FRMD4A: variants seen among roughly 807,000 people sequenced by gnomAD.
The protein encoded by FRMD4A is FERM domain-containing protein 4A.
Under a neutral mutation model 129.1 loss-of-function variants are expected in FRMD4A, and 29 were observed. That is an observed-to-expected ratio of 0.22 (90% CI 0.17 to 0.31). FRMD4A has a LOEUF of 0.31. Ranked by LOEUF, FRMD4A falls within the 10% of genes least tolerant of loss-of-function variation. The pLI, the probability that FRMD4A is intolerant of heterozygous loss-of-function variation, is 1.00. For synonymous variants in FRMD4A, 634 were observed against 571.6 expected, an observed-to-expected ratio of 1.11 and a Z score of -1.56; for missense variants, 1,272 against 1,375.8, an observed-to-expected ratio of 0.92 and a Z score of 1.19.
At chr10:13,958,736 C>G (rs2095427103) in intron 2 of FRMD4A, among the ~76,000 whole-genome samples, 1 of 152,016 alleles carries the variant, frequency 6.6e-6, no homozygotes, top group East Asian at 1.9e-4. Context: ...CAGGCATGCA[C>G]CCCCACGCCT....
chr10:13,955,939 G>A (rs1425893846), intron 2 of FRMD4A, among the ~76,000 whole-genome samples: 1 of 152,136 alleles, frequency 6.6e-6, no homozygotes, highest in Admixed American at 6.5e-5. Flanking sequence ...CTTGAAATCG[G>A]TTATGCATGT....
chr10:14,109,442 G>A (rs1397685831), intron 2 of FRMD4A, among the ~76,000 whole-genome samples: 1 of 152,068 alleles, frequency 6.6e-6, no homozygotes, highest in Non-Finnish European at 1.5e-5. Context: ...AGTGTTACAC[G>A]AAAAAGGCAA....
chr10:14,065,490 T>A (rs1409457942), intron 2 of FRMD4A, among the ~76,000 whole-genome samples: 1 of 152,104 alleles, frequency 6.6e-6, no homozygotes, highest in Non-Finnish European at 1.5e-5. Flanking sequence ...CCTAATTCAG[T>A]GGAACTTTGT....
intron 2 of FRMD4A, among the ~76,000 whole-genome samples, chr10:14,085,193 G>A (rs1233180173): frequency 1.3e-5 from 2 of 152,132 alleles, no homozygotes; most frequent in African/African-American, 2.4e-5. Context: ...CATCGTAGAC[G>A]CATGGTTATG....
chr10:14,278,644 G>A (rs79873758), intron 2 of FRMD4A, among the ~76,000 whole-genome samples: 3,794 of 152,210 alleles, frequency 0.025, 72 homozygotes, highest in Non-Finnish European at 0.041. Flanking sequence ...GTGGTTCTAC[G>A]GGTAAGATGG....
intron 2 of FRMD4A, among the ~76,000 whole-genome samples, chr10:14,284,586 G>A (rs377707160): frequency 2.6e-5 from 4 of 152,210 alleles, no homozygotes; most frequent in East Asian, 3.8e-4. Context: ...CCAGGAAGCA[G>A]AGGTTGCAGT....
intron 2 of FRMD4A, among the ~76,000 whole-genome samples, chr10:13,898,327 C>A (rs1274393101): frequency 6.6e-6 from 1 of 151,932 alleles, no homozygotes; most frequent in African/African-American, 2.4e-5. Context: ...GATTGTGCCA[C>A]TGTACTCCAG....
chr10:13,690,991 T>C (rs1310693419), intron 15 of FRMD4A, among the ~76,000 whole-genome samples: 1 of 151,984 alleles, frequency 6.6e-6, no homozygotes, highest in Non-Finnish European at 1.5e-5. Flanking sequence ...ATTTCATTTG[T>C]GTGTGTGTGT....
At chr10:14,159,800 C>A (rs7893220) in intron 2 of FRMD4A, among the ~76,000 whole-genome samples, 50,037 of 152,144 alleles carry the variant, frequency 0.33, 9,052 homozygotes, top group East Asian at 0.54. Context: ...CTGTAATCCT[C>A]GCACTTTGGA....
chr10:13,972,100 G>T (rs1452516538), intron 2 of FRMD4A: 2 of 1,105,180 alleles, frequency 1.8e-6, no homozygotes, highest in Non-Finnish European at 2.2e-6. Context: ...ACCTCAGTGT[G>T]CAGATAACGG....
intron 2 of FRMD4A, among the ~76,000 whole-genome samples, chr10:14,149,075 A>T (rs1262758054): frequency 3.3e-5 from 5 of 152,208 alleles, no homozygotes; most frequent in Non-Finnish European, 4.4e-5. Flanking sequence ...ACCCATAAAC[A>T]TCATGAATGA....
intron 2 of FRMD4A, among the ~76,000 whole-genome samples, chr10:13,923,084 C>T (rs146016246): frequency 0.016 from 2,361 of 152,206 alleles, 40 homozygotes; most frequent in Non-Finnish European, 0.02. Context: ...GAACACACAC[C>T]TTGGACACAC....
At chr10:13,860,818 G>C (rs1310443886) in intron 2 of FRMD4A, among the ~76,000 whole-genome samples, 1 of 152,006 alleles carries the variant, frequency 6.6e-6, no homozygotes, top group Non-Finnish European at 1.5e-5. Flanking sequence ...TTGCTCTGTT[G>C]TCCAGGCTGG....
chr10:13,676,705 G>T (rs1179372462), intron 15 of FRMD4A, among the ~76,000 whole-genome samples: 2 of 152,068 alleles, frequency 1.3e-5, no homozygotes, highest in East Asian at 3.8e-4. Context: ...AATACCTAGG[G>T]AGATTAATCT....
chr10:13,866,441 G>C (rs1589089663), intron 2 of FRMD4A: 1 of 164,162 alleles, frequency 6.1e-6, no homozygotes, highest in Non-Finnish European at 1.3e-5. Flanking sequence ...GGTGCTCCCG[G>C]GTACTGGGTC....
At chr10:13,803,283 T>A (rs1354100786) in intron 4 of FRMD4A, among the ~76,000 whole-genome samples, 1 of 152,148 alleles carries the variant, frequency 6.6e-6, no homozygotes, top group Non-Finnish European at 1.5e-5. Context: ...CCAGGATAAA[T>A]TGTTGTCTCC....
At chr10:14,175,257 A>G (rs1329030306) in intron 2 of FRMD4A, among the ~76,000 whole-genome samples, 1 of 152,132 alleles carries the variant, frequency 6.6e-6, no homozygotes, top group Non-Finnish European at 1.5e-5. Context: ...TGATTTAAGG[A>G]AGATGCCCCT....
chr10:14,224,014 AT>A (rs896211158), intron 2 of FRMD4A, among the ~76,000 whole-genome samples: 2 of 152,102 alleles, frequency 1.3e-5, no homozygotes, highest in Admixed American at 6.6e-5. Flanking sequence ...ATTCCCTCAA[AT>A]CACTTCCTTT....
At position 14,133,213 on chromosome 10, in the gene FRMD4A, G is replaced by A. The variant is rs1839358412; in HGVS notation, c.45+196845C>T. ...TTTGCTAAAGAGCACTTGAGACACT[G>A]CTATTTGGGTCGTGAGGCCTTCAAG... On this transcript the variant is annotated intron_variant, in intron 2 of 24. Transcript: ENST00000357447. 6.6e-5 allele frequency among the ~76,000 whole-genome samples: 10 copies of A among 152,292 alleles called. No individual in the cohort carries two copies. The South Asian group carries it at 1.7e-3, about 25-fold the overall frequency.
Sources: allele counts gnomAD v4.1 joint callset (sites outside exome capture counted in the v4.1 genomes callset), GRCh38; gene constraint gnomAD v4.1.1; transcripts MANE v1.5; gene names NCBI Gene and HGNC (gene_info 2026-07-23, HGNC 2026-07-21).